SLC22A3: variants seen among roughly 807,000 people sequenced by gnomAD.
SLC22A3 encodes EMT organic cation transporter 3.
In SLC22A3, 51 loss-of-function variants were observed where a neutral mutation model predicts 59.1. The observed-to-expected ratio is 0.86, with a 90% CI of 0.69 to 1.09. SLC22A3 has a LOEUF of 1.09. SLC22A3 is among the 50% of genes least tolerant of loss of function. The pLI is 0.00. For synonymous variants in SLC22A3, 325 were observed against 292.0 expected, an observed-to-expected ratio of 1.11 and a Z score of -1.15; for missense variants, 711 against 726.3, an observed-to-expected ratio of 0.98 and a Z score of 0.24.
intron 3 of SLC22A3, among the ~76,000 whole-genome samples, chr6:160,407,482 C>T (rs567789626): frequency 6.6e-6 from 1 of 152,240 alleles, no homozygotes. Flanking sequence ...TCTAGCTTTG[C>T]TTTATAAGAA....
Position 160,437,003 on chromosome 6 carries a change from AAGCGC to A in SLC22A3, c.1083_1087del (p.Ala362GlyfsTer39). On this transcript the variant is annotated frameshift_variant, in exon 7 of 11. Transcript: ENST00000275300. LOFTEE classifies it high-confidence loss of function. ...TCTTTCAATGTTGCTACAGGTTCACAAGCGCAGTGGTGTATCAAGGACTTGTCATG... is the reference window on the plus strand; with the variant it reads ...TCTTTCAATGTTGCTACAGGTTCACAAGTGGTGTATCAAGGACTTGTCATG... 6.2e-7 allele frequency: 1 copy of A among 1,614,156 alleles called. No individual in the cohort carries two copies. The highest frequency in any genetic ancestry group is 8.5e-7 in the Non-Finnish European group (1 of 1,179,994).
At chr6:160,361,206 G>A (rs1168329439) in intron 1 of SLC22A3, among the ~76,000 whole-genome samples, 1 of 152,162 alleles carries the variant, frequency 6.6e-6, no homozygotes, top group Non-Finnish European at 1.5e-5. Flanking sequence ...CATCAGATAT[G>A]GAGAATGATC....
intron 5 of SLC22A3, among the ~76,000 whole-genome samples, chr6:160,432,204 C>G (rs1788174215): frequency 6.6e-6 from 1 of 152,258 alleles, no homozygotes; most frequent in East Asian, 1.9e-4. Context: ...GGTCACGTGC[C>G]CAGTCACTGA....
intron 4 of SLC22A3, among the ~76,000 whole-genome samples, chr6:160,410,079 C>T (rs1001940011): frequency 3.3e-5 from 5 of 152,278 alleles, no homozygotes; most frequent in Admixed American, 2.6e-4. Flanking sequence ...TGCAGTGGTG[C>T]GATCTCGGCT....
chr6:160,439,270 C>A (rs1788458868), intron 7 of SLC22A3, among the ~76,000 whole-genome samples: 1 of 152,128 alleles, frequency 6.6e-6, no homozygotes, highest in South Asian at 2.1e-4. Context: ...TACTTTGGTA[C>A]TTTGGATATA....
intron 1 of SLC22A3, among the ~76,000 whole-genome samples, chr6:160,373,825 A>G (rs557766267): frequency 2.0e-4 from 31 of 152,162 alleles, no homozygotes; most frequent in African/African-American, 6.7e-4. Context: ...AAAACCACCT[A>G]CTCAAGCCTC....
At position 160,398,094 on chromosome 6, in the gene SLC22A3, T is replaced by C; in HGVS notation, c.533+12T>C. On this transcript the variant is annotated intron_variant, in intron 2 of 10. Coordinates refer to ENST00000275300, the MANE Select transcript of SLC22A3 (RefSeq NM_021977.4). Reference sequence around the variant, plus strand: ...TATGCAGCAGACAGGTAGGTACCAATGTGACAGCCATTTTATGTCACTATA... The same window carrying C: ...TATGCAGCAGACAGGTAGGTACCAACGTGACAGCCATTTTATGTCACTATA... 1 of 1,580,178 alleles carries C rather than the reference T, an allele frequency of 6.3e-7. No homozygotes were observed. The highest frequency in any genetic ancestry group is 1.1e-5 in the South Asian group (1 of 90,370).
intron 1 of SLC22A3, 51 bp downstream of exon 1, chr6:160,348,899 T>A: frequency 6.5e-7 from 1 of 1,536,936 alleles, no homozygotes. Context: ...CGATGCTGGC[T>A]CCCAGGCGGA....
intron 2 of SLC22A3, among the ~76,000 whole-genome samples, chr6:160,403,186 A>G (rs1786862500): frequency 6.6e-6 from 1 of 151,652 alleles, no homozygotes; most frequent in Non-Finnish European, 1.5e-5. Context: ...GAAGACATAA[A>G]TTACTAATAT....
chr6:160,397,022 T>G (rs1184811153), intron 1 of SLC22A3, among the ~76,000 whole-genome samples: 1 of 152,176 alleles, frequency 6.6e-6, no homozygotes, highest in Non-Finnish European at 1.5e-5. Context: ...AAGAACAGTC[T>G]GTTTATAGCA....
chr6:160,418,949 T>C (rs2114877820), intron 5 of SLC22A3, among the ~76,000 whole-genome samples: 2 of 152,348 alleles, frequency 1.3e-5, no homozygotes, highest in East Asian at 1.9e-4. Context: ...TCTACTGCTT[T>C]TAAAATTAAA....
At chr6:160,425,746 C>T in intron 5 of SLC22A3, 1 of 869,010 alleles carries the variant, frequency 1.2e-6, no homozygotes, top group Non-Finnish European at 1.4e-6. Context: ...AAGGTAAGTA[C>T]AGCTATTAAT....
At chr6:160,398,946 C>T (rs73782572) in intron 2 of SLC22A3, among the ~76,000 whole-genome samples, 1,913 of 152,316 alleles carry the variant, frequency 0.013, 48 homozygotes, top group African/African-American at 0.043. Context: ...GTTCTTGTGA[C>T]TGTACCATTC....
intron 5 of SLC22A3, among the ~76,000 whole-genome samples, chr6:160,433,130 A>G (rs1263341234): frequency 6.6e-6 from 1 of 152,242 alleles, no homozygotes; most frequent in Non-Finnish European, 1.5e-5. Context: ...CAGAGGTCTT[A>G]GAGCTCACAA....
chr6:160,407,240 A>G, intron 3 of SLC22A3, 45 bp downstream of exon 3: 1 of 1,547,816 alleles, frequency 6.5e-7, no homozygotes, highest in South Asian at 1.3e-5. Context: ...AACTAGGGCC[A>G]GATAGCCAAC....
intron 5 of SLC22A3, among the ~76,000 whole-genome samples, chr6:160,414,446 T>C (rs1168567464): frequency 1.2e-4 from 19 of 152,232 alleles, no homozygotes; most frequent in Admixed American, 1.2e-3. Flanking sequence ...AAGTGATTAA[T>C]GAGTTGAGTG....
intron 2 of SLC22A3, among the ~76,000 whole-genome samples, chr6:160,404,165 T>C (rs923631770): frequency 2.7e-5 from 4 of 148,770 alleles, no homozygotes; most frequent in Non-Finnish European, 5.9e-5. Flanking sequence ...TGATTGTCTA[T>C]GTAGAAAATC....
rs1371568675 is a variant in SLC22A3, at chr6:160,437,011, T to C, written c.1088T>C (p.Val363Ala). ...ILMFAWFTSA[V>A]VYQGLVMRLG... is the part of the protein sequence containing the mutation. Reference sequence around the variant, plus strand: ...TGTTGCTACAGGTTCACAAGCGCAGTGGTGTATCAAGGACTTGTCATGCGC... The same window carrying C: ...TGTTGCTACAGGTTCACAAGCGCAGCGGTGTATCAAGGACTTGTCATGCGC... The change falls in exon 7 of 11, where the codon GTG becomes GCG. Residue 363 changes from valine (V) to alanine (A), a missense_variant. Val to Ala is a moderately conservative substitution (Grantham distance 64, BLOSUM62 0). Transcript: ENST00000275300. 1 of 1,614,170 alleles carries C rather than the reference T, an allele frequency of 6.2e-7. No individual in the cohort carries two copies. The highest frequency in any genetic ancestry group is 1.7e-5 in the Admixed American group (1 of 60,034).
Position 160,348,784 on chromosome 6 carries a change from C to T in SLC22A3, c.365C>T (p.Ala122Val). 1 of 1,566,726 alleles carries T rather than the reference C, an allele frequency of 6.4e-7. No individual in the cohort carries two copies. The highest frequency in any genetic ancestry group is 8.6e-7 in the Non-Finnish European group (1 of 1,163,820). Residue 122 changes from alanine (A) to valine (V), a missense_variant, in exon 1 of 11, where the codon GCT (alanine) becomes GTT (valine). Transcript: ENST00000275300. ...CTCGCCGCCTTCCCCAACCGCTCGG[C>T]TCCCCTTGTGCCGTGCCGCGGCGGC... is the stretch of plus-strand genomic sequence containing the variant. ...DPLAAFPNRS[A>V]PLVPCRGGWR...
Sources: allele counts gnomAD v4.1 joint callset (sites outside exome capture counted in the v4.1 genomes callset), GRCh38; gene constraint gnomAD v4.1.1; transcripts MANE v1.5; gene names NCBI Gene and HGNC (gene_info 2026-07-23, HGNC 2026-07-21).